The following MACROD2 variants were observed in gnomAD, a reference collection of about 807,000 sequenced individuals.
MACROD2 encodes mono-ADP ribosylhydrolase 2, also known as ADP-ribose glycohydrolase MACROD2.
MACROD2 carries 36 observed loss-of-function variants against 70.4 expected under a neutral mutation model. The observed-to-expected ratio is 0.51, with a 90% CI of 0.39 to 0.68. MACROD2 has a LOEUF of 0.68. Ranked by LOEUF, MACROD2 falls within the 30% of genes least tolerant of loss-of-function variation. The probability of loss-of-function intolerance (pLI) is 0.00; values close to 1 mark genes in which losing one functional copy is unlikely to be tolerated. For missense variants in MACROD2, 496 were observed against 538.4 expected (o/e 0.92, Z 0.78); for synonymous variants, 172 against 178.8 (o/e 0.96, Z 0.30).
chr20:14,153,672 CA>C (rs1871616241), intron 3 of MACROD2, among the ~76,000 whole-genome samples: 1 of 151,694 alleles, frequency 6.6e-6, no homozygotes, highest in South Asian at 2.1e-4. Flanking sequence ...GAGTGATTTT[CA>C]AAAAAGATGT....
intron 3 of MACROD2, among the ~76,000 whole-genome samples, chr20:14,399,226 C>T (rs563409113): frequency 6.6e-5 from 10 of 152,138 alleles, no homozygotes; most frequent in East Asian, 1.9e-4. Context: ...TCATCATGTT[C>T]GTTAGGCTGG....
At chr20:14,134,822 A>AC (rs10670622) in intron 3 of MACROD2, among the ~76,000 whole-genome samples, 3 of 150,836 alleles carry the variant, frequency 2.0e-5, no homozygotes, top group East Asian at 3.9e-4. Context: ...AAAAAAAAAA[A>AC]CAGCTACAAA....
chr20:15,105,604 G>A (rs977630451), intron 5 of MACROD2, among the ~76,000 whole-genome samples: 6 of 152,096 alleles, frequency 3.9e-5, no homozygotes, highest in Non-Finnish European at 8.8e-5. Flanking sequence ...CAGAAATGTT[G>A]CCATGTTTGG....
intron 5 of MACROD2, among the ~76,000 whole-genome samples, chr20:15,148,785 T>G (rs2076248298): frequency 6.6e-6 from 1 of 152,084 alleles, no homozygotes; most frequent in South Asian, 2.1e-4. Context: ...CAGTCCTTTT[T>G]AAGTTGGTGG....
At chr20:15,539,438 T>C (rs6043350) in intron 8 of MACROD2, among the ~76,000 whole-genome samples, 19,126 of 152,250 alleles carry the variant, frequency 0.13, 1,343 homozygotes, top group East Asian at 0.29. Context: ...TGCAGTGATA[T>C]TGAAACACCA....
intron 5 of MACROD2, among the ~76,000 whole-genome samples, chr20:14,701,711 G>A (rs2071198907): frequency 6.6e-6 from 1 of 152,074 alleles, no homozygotes; most frequent in Non-Finnish European, 1.5e-5. Context: ...TCATATCAGT[G>A]TATTAAAGAT....
At chr20:15,357,902 G>A (rs2078307047) in intron 6 of MACROD2, among the ~76,000 whole-genome samples, 1 of 151,362 alleles carries the variant, frequency 6.6e-6, no homozygotes, top group Admixed American at 6.6e-5. Context: ...CGCCTCCCGG[G>A]TTCATGCCAT....
intron 2 of MACROD2, among the ~76,000 whole-genome samples, chr20:14,046,729 T>G (rs972093021): frequency 3.3e-4 from 50 of 151,028 alleles, no homozygotes; most frequent in Middle Eastern, 6.8e-3. Flanking sequence ...ATTTATTTAT[T>G]TATTTATTTA....
chr20:14,332,949 C>A (rs929278158), intron 3 of MACROD2, among the ~76,000 whole-genome samples: 2 of 152,032 alleles, frequency 1.3e-5, no homozygotes, highest in Non-Finnish European at 2.9e-5. Flanking sequence ...TACGGTTAAA[C>A]TGAAAAACTG....
chr20:15,650,893 A>G (rs977612893), intron 8 of MACROD2, among the ~76,000 whole-genome samples: 2 of 152,214 alleles, frequency 1.3e-5, no homozygotes, highest in African/African-American at 4.8e-5. Context: ...TGTTGGTGTC[A>G]TCAGCACACC....
intron 5 of MACROD2, among the ~76,000 whole-genome samples, chr20:14,976,048 C>T (rs1054701953): frequency 2.0e-5 from 3 of 152,112 alleles, no homozygotes; most frequent in Non-Finnish European, 4.4e-5. Flanking sequence ...GAGGTGGCTC[C>T]GACTTCAAAA....
At chr20:15,084,091 G>A (rs141358538) in intron 5 of MACROD2, among the ~76,000 whole-genome samples, 1 of 23,220 alleles carries the variant, frequency 4.3e-5, no homozygotes, top group African/African-American at 1.6e-4. Flanking sequence ...TTTTAATGAA[G>A]TTTTGCTCTT....
At chr20:14,020,145 A>G (rs1214113070) in intron 2 of MACROD2, among the ~76,000 whole-genome samples, 1 of 152,184 alleles carries the variant, frequency 6.6e-6, no homozygotes, top group African/African-American at 2.4e-5. Flanking sequence ...GTGATTTGCA[A>G]TCTGGGATGT....
At chr20:15,391,333 A>G (rs999312145) in intron 6 of MACROD2, among the ~76,000 whole-genome samples, 15 of 152,246 alleles carry the variant, frequency 9.9e-5, no homozygotes, top group African/African-American at 3.4e-4. Context: ...ATGTGTAAGA[A>G]ATCATCCTGG....
At chr20:14,700,132 G>A (rs998157526) in intron 5 of MACROD2, among the ~76,000 whole-genome samples, 1 of 151,974 alleles carries the variant, frequency 6.6e-6, no homozygotes, top group Non-Finnish European at 1.5e-5. Context: ...GAAGTTTAAA[G>A]TTTAACTTCT....
At chr20:15,983,749 C>T (rs561097430) in intron 13 of MACROD2, among the ~76,000 whole-genome samples, 1 of 152,324 alleles carries the variant, frequency 6.6e-6, no homozygotes, top group African/African-American at 2.4e-5. Flanking sequence ...TCTGGCCTGC[C>T]ATGTGCACAA....
intron 8 of MACROD2, among the ~76,000 whole-genome samples, chr20:15,856,618 A>G (rs2064359523): frequency 1.3e-5 from 2 of 152,190 alleles, no homozygotes; most frequent in Non-Finnish European, 2.9e-5. Context: ...CAGAGCTCCT[A>G]TTATGTGTCA....
rs887751150 is a variant in MACROD2 at position 14,795,838 on chromosome 20, C to G, written c.418+110879C>G. 1.3e-5 allele frequency among the ~76,000 whole-genome samples: 2 copies of G among 151,882 alleles called. 1 individual carries two copies. The highest frequency in any genetic ancestry group is 4.8e-5 in the African/African-American group (2 of 41,302). The stretch of plus-strand genomic sequence containing the variant: ...TGACAAATAAATTCAGCAGAGAGGT[C>G]AGAAGGAAAGCAGGAGTCAAGTCCT... On this transcript the variant is annotated intron_variant, in intron 5 of 17. Transcript: ENST00000684519.
intron 3 of MACROD2, among the ~76,000 whole-genome samples, chr20:14,415,684 G>A (rs1311581020): frequency 1.3e-5 from 2 of 152,186 alleles, no homozygotes; most frequent in African/African-American, 2.4e-5. Context: ...AACTCGAACA[G>A]TATCCAAAGA....
Sources: gnomAD v4.1 joint callset for allele counts (sites outside exome capture counted in the v4.1 genomes callset) on GRCh38, gnomAD v4.1.1 for gene constraint, MANE v1.5 for transcripts, NCBI Gene and HGNC (gene_info 2026-07-23, HGNC 2026-07-21) for gene names.